Variants in PKP4 observed in about 807,000 individuals in gnomAD.
The protein encoded by PKP4 is plakophilin 4, also known as plakophilin-4.
A neutral mutation model predicts 145.1 loss-of-function variants in PKP4; 90 were observed. The ratio of observed to expected loss-of-function variants is 0.62; its 90% CI spans 0.52 to 0.74. PKP4 has a LOEUF of 0.74. Among genes scored for constraint, PKP4 ranks in the 30% least tolerant of loss-of-function variants. The pLI is 0.00. For missense variants in PKP4, 1,340 were observed against 1,482.7 expected (o/e 0.90, Z 1.58); for synonymous variants, 563 against 577.2 (o/e 0.98, Z 0.35).
intron 17 of PKP4, among the ~76,000 whole-genome samples, chr2:158,672,147 G>C (rs879875626): frequency 2.0e-5 from 3 of 152,190 alleles, no homozygotes; most frequent in Non-Finnish European, 4.4e-5. Context: ...TACTGACTTA[G>C]AGCAGCAGCT....
At chr2:158,680,004 C>G (rs1401613256) in intron 21 of PKP4, among the ~76,000 whole-genome samples, 1 of 152,286 alleles carries the variant, frequency 6.6e-6, no homozygotes, top group East Asian at 1.9e-4. Flanking sequence ...GCCCAGAAAC[C>G]CAGTCCTTGA....
At chr2:158,528,591 C>G (rs2043188270) in intron 1 of PKP4, among the ~76,000 whole-genome samples, 2 of 118,440 alleles carry the variant, frequency 1.7e-5, no homozygotes, top group African/African-American at 3.3e-5. Context: ...ACATATGTAA[C>G]TAACCTGCAC....
At chr2:158,598,713 G>C (rs2049979911) in intron 3 of PKP4, among the ~76,000 whole-genome samples, 1 of 152,192 alleles carries the variant, frequency 6.6e-6, no homozygotes, top group African/African-American at 2.4e-5. Context: ...AGCTTGCAGT[G>C]AGGCGAGATC....
At chr2:158,516,422 C>T (rs907159370) in intron 1 of PKP4, among the ~76,000 whole-genome samples, 9 of 151,972 alleles carry the variant, frequency 5.9e-5, no homozygotes, top group Admixed American at 5.2e-4. Flanking sequence ...GGAAGTTGTC[C>T]GTGGAGCACA....
intron 4 of PKP4, among the ~76,000 whole-genome samples, chr2:158,616,479 C>G (rs2051634003): frequency 1.5e-5 from 1 of 65,908 alleles, no homozygotes; most frequent in Admixed American, 2.0e-4. Context: ...AGTTTCTACT[C>G]ATTTTTTCCA....
chr2:158,530,762 A>T (rs186055134), intron 1 of PKP4, among the ~76,000 whole-genome samples: 80 of 152,142 alleles, frequency 5.3e-4, no homozygotes, highest in Admixed American at 2.5e-3. Flanking sequence ...TAGTAACGAC[A>T]GGTACCATTG....
chr2:158,471,445 G>A (rs575540503), intron 1 of PKP4, among the ~76,000 whole-genome samples: 1 of 152,260 alleles, frequency 6.6e-6, no homozygotes, highest in South Asian at 2.1e-4. Context: ...CGTATTTTCT[G>A]GATCATGAGA....
At position 158,474,151 on chromosome 2, in the gene PKP4, C is replaced by G. The variant is rs568134383; in HGVS notation, c.-6+16933C>G. ...TTAACAAGTTTTAACAGAAGCTACT[C>G]GACGACAGATATTCTGCGTTTTACA... On this transcript the variant is annotated intron_variant, in intron 1 of 21. Transcript: ENST00000389759. 5.3e-5 allele frequency among the ~76,000 whole-genome samples: 8 copies of G among 152,286 alleles called. No individual in the cohort carries two copies. In the East Asian group the frequency reaches 9.7e-4, roughly 18 times the overall value.
chr2:158,602,062 AG>A (rs2050279109), intron 3 of PKP4, among the ~76,000 whole-genome samples: 1 of 152,222 alleles, frequency 6.6e-6, no homozygotes, highest in South Asian at 2.1e-4. Flanking sequence ...ATGATTAAAA[AG>A]AAAAACATGT....
At chr2:158,606,503 T>C (rs976023214) in intron 4 of PKP4, among the ~76,000 whole-genome samples, 1 of 152,214 alleles carries the variant, frequency 6.6e-6, no homozygotes, top group Non-Finnish European at 1.5e-5. Flanking sequence ...TTTGTAAATA[T>C]AATTTTTCTC....
chr2:158,489,474 A>G (rs1694638430), intron 1 of PKP4, among the ~76,000 whole-genome samples: 1 of 152,156 alleles, frequency 6.6e-6, no homozygotes, highest in Non-Finnish European at 1.5e-5. Flanking sequence ...TGGAGTTGGT[A>G]TGTCATCCCT....
chr2:158,559,108 A>G (rs1308820163), intron 2 of PKP4, among the ~76,000 whole-genome samples: 1 of 152,200 alleles, frequency 6.6e-6, no homozygotes, highest in Non-Finnish European at 1.5e-5. Context: ...TTCAGGCTCC[A>G]GTGTGAGTTG....
intron 1 of PKP4, among the ~76,000 whole-genome samples, chr2:158,521,314 C>CTT (rs2042352662): frequency 6.6e-6 from 1 of 152,170 alleles, no homozygotes; most frequent in African/African-American, 2.4e-5. Flanking sequence ...TTTCTAATTA[C>CTT]TAATAAGGTT....
chr2:158,488,363 C>G (rs929421968), intron 1 of PKP4, among the ~76,000 whole-genome samples: 1 of 152,192 alleles, frequency 6.6e-6, no homozygotes, highest in Non-Finnish European at 1.5e-5. Context: ...TGAGATGACT[C>G]TTCATCTGTT....
At chr2:158,508,149 G>T (rs1296681442) in intron 1 of PKP4, among the ~76,000 whole-genome samples, 3 of 151,726 alleles carry the variant, frequency 2.0e-5, no homozygotes, top group Non-Finnish European at 4.4e-5. Flanking sequence ...CTGAGGTCAG[G>T]AGTTCAAGAC....
At chr2:158,547,634 C>T (rs1002511946) in intron 2 of PKP4, among the ~76,000 whole-genome samples, 5 of 152,168 alleles carry the variant, frequency 3.3e-5, no homozygotes, top group African/African-American at 4.8e-5. Context: ...AACGCTGTGC[C>T]TTTAAAATGG....
chr2:158,557,480 G>A (rs1483609114), intron 2 of PKP4, among the ~76,000 whole-genome samples: 1 of 152,118 alleles, frequency 6.6e-6, no homozygotes, highest in Non-Finnish European at 1.5e-5. Context: ...AGTCATCCTA[G>A]CAGCCTTTGC....
intron 2 of PKP4, among the ~76,000 whole-genome samples, chr2:158,574,013 C>T (rs943989566): frequency 1.3e-5 from 2 of 152,214 alleles, no homozygotes; most frequent in Non-Finnish European, 2.9e-5. Flanking sequence ...GGCAGTGTAG[C>T]TCTGTCTACC....
intron 16 of PKP4, among the ~76,000 whole-genome samples, chr2:158,667,272 G>A (rs1002557925): frequency 2.0e-5 from 3 of 152,152 alleles, no homozygotes; most frequent in Non-Finnish European, 2.9e-5. Flanking sequence ...CCTGAGCTTC[G>A]TTCCCAGGAT....
Sources: gnomAD v4.1 joint callset for allele counts (sites outside exome capture counted in the v4.1 genomes callset) on GRCh38, gnomAD v4.1.1 for gene constraint, MANE v1.5 for transcripts, NCBI Gene and HGNC (gene_info 2026-07-23, HGNC 2026-07-21) for gene names.